AKR1C2: variants seen among roughly 807,000 people sequenced by gnomAD.
AKR1C2 encodes the protein aldo-keto reductase family 1 member C2, also known as 3-alpha-HSD3.
A neutral mutation model predicts 39.8 loss-of-function variants in AKR1C2; 27 were observed. The ratio of observed to expected loss-of-function variants is 0.68; its 90% CI spans 0.50 to 0.93. AKR1C2 has a LOEUF of 0.93. Among genes scored for constraint, AKR1C2 ranks in the 40% least tolerant of loss-of-function variants. AKR1C2 has a pLI of 0.00. For missense variants in AKR1C2, 263 were observed against 365.1 expected (o/e 0.72, Z 2.28); for synonymous variants, 114 against 137.9 (o/e 0.83, Z 1.22).
rs1836726700 is a variant in AKR1C2, at chr10:4,988,279, T to C, written c.*1717A>G. 1 of 152,184 alleles carries C rather than the reference T, an allele frequency of 6.6e-6. No individual in the cohort carries two copies. Among genetic ancestry groups the C allele is most frequent in the African/African-American group, 2.4e-5 (1 of 41,450 alleles). 9.4% of individuals were successfully genotyped at this position (152,184 alleles called of 1,614,324 possible). A position where few individuals can be genotyped will look rare whatever the true frequency, so the allele number is the denominator to read the frequency against. On this transcript the variant is annotated 3_prime_UTR_variant, in exon 9 of 9. Transcript: ENST00000380753. ...ATTATCATTCCATAGACTCAGAAAG[T>C]TAAGGTAGAACAGGATGGCCATGGT...
chr10:5,013,177 A>C (rs1284718245), intron 1 of AKR1C2: 1 of 152,182 alleles, frequency 6.6e-6, no homozygotes, highest in Non-Finnish European at 1.5e-5. Flanking sequence ...CTGCATGTGC[A>C]CCCCCGAACT....
upstream of AKR1C2, among the ~76,000 whole-genome samples, chr10:5,008,686 A>C (rs1265217259): frequency 1.2e-4 from 18 of 152,382 alleles, no homozygotes; most frequent in Non-Finnish European, 8.8e-5. Flanking sequence ...CAGGGAGGAC[A>C]GAAGTGGGAT....
At chr10:4,996,581 T>TA (rs1459519733) in intron 5 of AKR1C2, among the ~76,000 whole-genome samples, 3 of 147,926 alleles carry the variant, frequency 2.0e-5, no homozygotes, top group African/African-American at 2.5e-5. Flanking sequence ...ATGTGAGCAT[T>TA]AAAAAATGAG....
At chr10:5,010,790 C>T (rs531467811) in intron 1 of AKR1C2, 18 of 152,156 alleles carry the variant, frequency 1.2e-4, no homozygotes, top group Non-Finnish European at 1.9e-4. Context: ...AAAAGTTAGA[C>T]GTGCAACCTT....
chr10:4,998,701 A>G lies in AKR1C2; in HGVS notation c.494T>C (p.Val165Ala). The G allele has an allele frequency of 6.2e-7, 1 of 1,614,006 alleles. No individual in the cohort carries two copies. Among genetic ancestry groups the G allele is most frequent in the South Asian group, 1.1e-5 (1 of 91,076 alleles). Residue 165 changes from valine to alanine, a missense_variant, in exon 5 of 9, where the codon GTG becomes GCG. Val to Ala is a moderately conservative substitution (Grantham distance 64). Coordinates refer to ENST00000380753, the MANE Select transcript of AKR1C2 (RefSeq NM_001393392.1). ...CAGCAGCCTGTGGTTGAAGTTGGACACCCCGATGGACTTGGCCAATCCTGC... is the reference window on the plus strand; with the variant it reads ...CAGCAGCCTGTGGTTGAAGTTGGACGCCCCGATGGACTTGGCCAATCCTGC... Reference protein sequence around the residue: ...KDAGLAKSIGVSNFNHRLLEM... With the variant: ...KDAGLAKSIGASNFNHRLLEM...
chr10:4,999,422 A>T, intron 3 of AKR1C2, 145 bp from the exon 4 acceptor site: 3 of 1,562,644 alleles, frequency 1.9e-6, no homozygotes, highest in Non-Finnish European at 2.6e-6. Flanking sequence ...AGTGTACTAC[A>T]TATGAAGGTA....
intron 1 of AKR1C2, chr10:5,015,905 A>C (rs1340523641): frequency 6.6e-6 from 1 of 152,316 alleles, no homozygotes. Flanking sequence ...GGAGGAAGGC[A>C]AAGGGGAAGC....
rs1554771745 is a variant in AKR1C2, at chr10:4,988,645, A to G, written c.*1351T>C. On this transcript the variant is annotated 3_prime_UTR_variant, in exon 9 of 9. Transcript: ENST00000380753. ...TATCAGCTCTGAGACATGGCTTGAGAAGGAATCTCTGATGGGGTTAACATG... is the reference window on the plus strand; with the variant it reads ...TATCAGCTCTGAGACATGGCTTGAGGAGGAATCTCTGATGGGGTTAACATG... 1 of 152,156 alleles carries G rather than the reference A, an allele frequency of 6.6e-6. No homozygotes were observed. Among genetic ancestry groups the G allele is most frequent in the East Asian group, 1.9e-4 (1 of 5,196 alleles). The allele number at this position is 152,156 out of a possible 1,614,324, so 9.4% of individuals were successfully genotyped here. A position where few individuals can be genotyped will look rare whatever the true frequency, so the allele number is the denominator to read the frequency against.
At position 5,000,575 on chromosome 10, in the gene AKR1C2, A is replaced by C; in HGVS notation, c.344T>G (p.Leu115Arg). ...CTTTACAGACACTGGAAAATGAATAAGATAGAGGTCAACATAGTCCAATTG... is the reference window on the plus strand; with the variant it reads ...CTTTACAGACACTGGAAAATGAATACGATAGAGGTCAACATAGTCCAATTG... ...NLQLDYVDLY[L>R]IHFPVSVKPG... The change falls in exon 3 of 9, where the codon CTT becomes CGT. Residue 115 changes from leucine (L) to arginine (R), a missense_variant. This residue lies in a region of AKR1C2 where 247 missense variants were observed against 267.9 expected (regional missense o/e 0.92). Coordinates refer to ENST00000380753, the MANE Select transcript of AKR1C2 (RefSeq NM_001393392.1). The C allele has an allele frequency of 4.3e-6, 7 of 1,614,074 alleles. No individual in the cohort carries two copies. The highest frequency in any genetic ancestry group is 5.9e-6 in the Non-Finnish European group (7 of 1,179,934).
chr10:4,990,053 A>T lies in AKR1C2; in HGVS notation c.930-15T>A. On this transcript the variant is annotated splice_polypyrimidine_tract_variant and intron_variant, in intron 8 of 8. Transcript: ENST00000380753. The stretch of plus-strand genomic sequence containing the variant: ...GGCCAGCAAAACTGGAAAGAGAAAA[A>T]AAAATGCACACTCTGAATGGCAATG... The T allele has an allele frequency of 1.2e-6, 2 of 1,606,096 alleles. No individual in the cohort carries two copies. The highest frequency in any genetic ancestry group is 2.2e-5 in the South Asian group (2 of 89,452).
At chr10:5,015,301 C>T (rs1554775242) in intron 1 of AKR1C2, 2 of 152,232 alleles carry the variant, frequency 1.3e-5, no homozygotes, top group African/African-American at 4.8e-5. Context: ...TTCTTTTCTA[C>T]ATTTTTATAG....
chr10:4,998,593 A>G (rs782344749), intron 5 of AKR1C2, 32 bp downstream of exon 5: 2 of 1,612,446 alleles, frequency 1.2e-6, no homozygotes, highest in Non-Finnish European at 1.7e-6. Flanking sequence ...GGGCATGAAG[A>G]ACAGAAAGGA....
intron 1 of AKR1C2, among the ~76,000 whole-genome samples, chr10:5,002,045 G>A (rs537303743): frequency 7.2e-5 from 11 of 152,326 alleles, no homozygotes; most frequent in Admixed American, 1.3e-4. Flanking sequence ...CACATGGAAG[G>A]AATTATGAAG....
chr10:4,994,622 G>T (rs1836967178), intron 7 of AKR1C2, among the ~76,000 whole-genome samples: 1 of 151,960 alleles, frequency 6.6e-6, no homozygotes, highest in Admixed American at 6.6e-5. Flanking sequence ...AGAACTGCAT[G>T]GGAGAGGGGG....
upstream of AKR1C2, among the ~76,000 whole-genome samples, chr10:5,005,220 A>C (rs112150433): frequency 6.6e-6 from 1 of 152,102 alleles, no homozygotes; most frequent in Non-Finnish European, 1.5e-5. Flanking sequence ...CACAGTCCAC[A>C]TAGGTACATG....
chr10:5,009,074 G>A (rs1837466555), intron 1 of AKR1C2, among the ~76,000 whole-genome samples: 5 of 152,192 alleles, frequency 3.3e-5, no homozygotes, highest in Admixed American at 3.3e-4. Flanking sequence ...AGGAAGAGCT[G>A]GGAGGCTGTG....
chr10:5,013,267 T>C (rs1384963814), intron 1 of AKR1C2: 2 of 152,176 alleles, frequency 1.3e-5, no homozygotes, highest in Admixed American at 1.3e-4. Flanking sequence ...TTCTGAAAAA[T>C]TACCTTATCT....
intron 3 of AKR1C2, chr10:5,000,100 G>C: frequency 8.6e-7 from 1 of 1,163,872 alleles, no homozygotes; most frequent in African/African-American, 1.6e-5. Flanking sequence ...TCCCATGAAG[G>C]TTTGTAGTTT....
At chr10:5,005,010 G>A (rs1412149156), upstream of AKR1C2, among the ~76,000 whole-genome samples, 4 of 149,776 alleles carry the variant, frequency 2.7e-5, no homozygotes, top group African/African-American at 9.9e-5. Flanking sequence ...AAAATTGACT[G>A]AAATAAACTT....
Sources: gnomAD v4.1 joint callset for allele counts (sites outside exome capture counted in the v4.1 genomes callset) on GRCh38, gnomAD v4.1.1 for gene constraint, gnomAD v4.1.1 regional missense constraint, MANE v1.5 for transcripts, NCBI Gene and HGNC (gene_info 2026-07-23, HGNC 2026-07-21) for gene names.